Variants in MAN1A2 observed in about 807,000 individuals in gnomAD.
MAN1A2 encodes the protein mannosidase alpha class 1A member 2, also known as mannosyl-oligosaccharide 1,2-alpha-mannosidase IB.
A neutral mutation model predicts 75.7 loss-of-function variants in MAN1A2; 26 were observed. That is an observed-to-expected ratio of 0.34 (90% CI 0.25 to 0.48). The LOEUF is 0.48. Among genes scored for constraint, MAN1A2 ranks in the 20% least tolerant of loss-of-function variants. The pLI, the probability that MAN1A2 is intolerant of heterozygous loss-of-function variation, is 0.99. For missense variants in MAN1A2, 562 were observed against 775.5 expected (o/e 0.72, Z 3.27); for synonymous variants, 247 against 264.6 (o/e 0.93, Z 0.65).
At chr1:117,431,814 G>A (rs764326138) in intron 5 of MAN1A2, among the ~76,000 whole-genome samples, 102 of 152,098 alleles carry the variant, frequency 6.7e-4, no homozygotes, top group Non-Finnish European at 1.2e-3. Context: ...GCCGAGTGTG[G>A]TAGCATGTAC....
chr1:117,511,552 A>G (rs1022687119), intron 12 of MAN1A2, among the ~76,000 whole-genome samples: 13 of 151,834 alleles, frequency 8.6e-5, no homozygotes, highest in Non-Finnish European at 1.5e-4. Flanking sequence ...CCTTTTAACT[A>G]CTATGATCTC....
chr1:117,383,749 ATT>A (rs879757603), intron 1 of MAN1A2, among the ~76,000 whole-genome samples: 4 of 147,792 alleles, frequency 2.7e-5, no homozygotes, highest in African/African-American at 7.4e-5. Flanking sequence ...TTCTTTAAAA[ATT>A]TTTTTTTTTT....
At chr1:117,517,586 T>G (rs1356421400) in intron 12 of MAN1A2, among the ~76,000 whole-genome samples, 1 of 151,846 alleles carries the variant, frequency 6.6e-6, no homozygotes, top group Non-Finnish European at 1.5e-5. Flanking sequence ...CTATCCAAAA[T>G]GAAACAAGAG....
chr1:117,426,640 G>A (rs913295833), intron 5 of MAN1A2, among the ~76,000 whole-genome samples: 6 of 152,082 alleles, frequency 3.9e-5, no homozygotes, highest in South Asian at 2.1e-4. Flanking sequence ...TGAATAGCTC[G>A]TGTAATTTAT....
At chr1:117,392,766 C>T (rs372901178) in intron 1 of MAN1A2, among the ~76,000 whole-genome samples, 1 of 152,142 alleles carries the variant, frequency 6.6e-6, no homozygotes, top group Non-Finnish European at 1.5e-5. Flanking sequence ...GATAGGTGAC[C>T]TATACCTAAC....
chr1:117,387,632 T>G (rs980604036), intron 1 of MAN1A2, among the ~76,000 whole-genome samples: 4 of 152,196 alleles, frequency 2.6e-5, no homozygotes, highest in Non-Finnish European at 4.4e-5. Context: ...GTTTTTGGGC[T>G]TCAAGGCTTG....
chr1:117,489,939 T>C lies in MAN1A2; in HGVS notation c.1169-3208T>C, dbSNP rs998435400. ...GAATGAGGGTTATAAGAAATGTACT[T>C]TTTTTTTTTTTAATGCAGAGAGGAG... On this transcript the variant is annotated intron_variant, in intron 8 of 12. Transcript: ENST00000356554. Among the ~76,000 whole-genome samples, 3 of 145,506 alleles carry C rather than the reference T, an allele frequency of 2.1e-5. No homozygotes were observed. In the Admixed American group the frequency reaches 2.1e-4, roughly 10 times the overall value.
At chr1:117,393,362 A>G (rs1653795609) in intron 1 of MAN1A2, among the ~76,000 whole-genome samples, 1 of 152,104 alleles carries the variant, frequency 6.6e-6, no homozygotes, top group African/African-American at 2.4e-5. Flanking sequence ...GGAGTGTAGA[A>G]TGCTGTTGTT....
At chr1:117,464,526 A>G (rs1247796291) in intron 7 of MAN1A2, among the ~76,000 whole-genome samples, 1 of 152,118 alleles carries the variant, frequency 6.6e-6, no homozygotes, top group Admixed American at 6.6e-5. Flanking sequence ...ACTGAAAAAT[A>G]CAAAGCCAGT....
chr1:117,369,266 G>C (rs757025264), intron 1 of MAN1A2, among the ~76,000 whole-genome samples: 13 of 152,306 alleles, frequency 8.5e-5, no homozygotes, highest in Non-Finnish European at 1.8e-4. Context: ...TCTAAAGTGA[G>C]CTCTGGGGAG....
chr1:117,476,789 T>C (rs1000129467), intron 8 of MAN1A2, among the ~76,000 whole-genome samples: 2 of 151,992 alleles, frequency 1.3e-5, no homozygotes, highest in Non-Finnish European at 2.9e-5. Context: ...AGTCAGGTAA[T>C]GTGATGCCTC....
chr1:117,374,546 C>T (rs1261904550), intron 1 of MAN1A2, among the ~76,000 whole-genome samples: 1 of 151,984 alleles, frequency 6.6e-6, no homozygotes, highest in African/African-American at 2.4e-5. Context: ...GGCATTCTTT[C>T]CAATGATCTG....
intron 6 of MAN1A2, among the ~76,000 whole-genome samples, chr1:117,453,727 C>T (rs1417996760): frequency 6.6e-6 from 1 of 152,132 alleles, no homozygotes; most frequent in Non-Finnish European, 1.5e-5. Flanking sequence ...TTGATGCAGC[C>T]AGTGTCAGGA....
intron 12 of MAN1A2, chr1:117,515,681 A>G: frequency 6.5e-6 from 1 of 152,842 alleles, no homozygotes; most frequent in East Asian, 1.9e-4. Flanking sequence ...AGCATGGATG[A>G]CCCTTGAGGA....
At chr1:117,416,420 A>C (rs1647995561) in intron 4 of MAN1A2, among the ~76,000 whole-genome samples, 1 of 152,118 alleles carries the variant, frequency 6.6e-6, no homozygotes, top group Admixed American at 6.6e-5. Context: ...AACTGTGTGG[A>C]AATTTTGAGG....
chr1:117,495,290 T>C (rs938442277), intron 9 of MAN1A2, among the ~76,000 whole-genome samples: 1 of 151,878 alleles, frequency 6.6e-6, no homozygotes, highest in South Asian at 2.1e-4. Context: ...TAATAACAGT[T>C]GATCAGCTTT....
intron 3 of MAN1A2, among the ~76,000 whole-genome samples, chr1:117,407,956 T>G (rs1647667732): frequency 6.6e-6 from 1 of 152,168 alleles, no homozygotes; most frequent in East Asian, 1.9e-4. Context: ...TTTCTTATTG[T>G]CTCTGATTAG....
intron 9 of MAN1A2, among the ~76,000 whole-genome samples, chr1:117,496,215 C>G (rs1651033057): frequency 1.3e-5 from 2 of 151,816 alleles, no homozygotes; most frequent in South Asian, 4.1e-4. Flanking sequence ...TTATACTTTT[C>G]CATAGAAATA....
At chr1:117,504,351 G>A (rs1264402055) in intron 12 of MAN1A2, among the ~76,000 whole-genome samples, 1 of 148,840 alleles carries the variant, frequency 6.7e-6, no homozygotes, top group East Asian at 2.0e-4. Context: ...AAAACTGTAA[G>A]ATAGGACAAT....
Sources: allele counts gnomAD v4.1 joint callset (sites outside exome capture counted in the v4.1 genomes callset), GRCh38; gene constraint gnomAD v4.1.1; transcripts MANE v1.5; gene names NCBI Gene and HGNC (gene_info 2026-07-23, HGNC 2026-07-21).